The following GLG1 variants were observed in gnomAD, a reference collection of about 807,000 sequenced individuals.
GLG1 encodes Golgi apparatus protein 1.
In GLG1, 38 loss-of-function variants were observed where a neutral mutation model predicts 160.5. The observed-to-expected ratio is 0.24, with a 90% confidence interval of 0.18 to 0.31. GLG1 has a LOEUF of 0.31. Among genes scored for constraint, GLG1 ranks in the 10% least tolerant of loss-of-function variants. The pLI, the probability that GLG1 is intolerant of heterozygous loss-of-function variation, is 1.00. For missense variants in GLG1, 1,373 were observed against 1,505.2 expected, an observed-to-expected ratio of 0.91 and a Z score of 1.45; for synonymous variants, 644 against 543.4, an observed-to-expected ratio of 1.19 and a Z score of -2.57.
At chr16:74,475,265 A>T (rs531302860) in intron 12 of GLG1, among the ~76,000 whole-genome samples, 17 of 152,088 alleles carry the variant, frequency 1.1e-4, no homozygotes, top group African/African-American at 4.1e-4. Context: ...TAAAAACCTT[A>T]TCAGGCCTTG....
At chr16:74,601,732 C>T (rs556665818) in intron 1 of GLG1, among the ~76,000 whole-genome samples, 1 of 152,284 alleles carries the variant, frequency 6.6e-6, no homozygotes, top group Admixed American at 6.5e-5. Context: ...GAGAAATCTA[C>T]AAATACTTCA....
rs1480421324 is a variant in GLG1, at chr16:74,500,808, T to C, written c.774+2723A>G. On this transcript the variant is annotated intron_variant, in intron 4 of 25. Transcript: ENST00000422840. ...AGATGATGTAAATCATTTATATCTT[T>C]ACTTTTGGAAATCTGCCCTTTCATT... Among the ~76,000 whole-genome samples, 10 of 152,350 alleles carry C rather than the reference T, an allele frequency of 6.6e-5. No homozygotes were observed. In the East Asian group the frequency reaches 9.6e-4, roughly 15 times the overall value.
At position 74,535,111 on chromosome 16, in the gene GLG1, G is replaced by C. The variant is rs528557811; in HGVS notation, c.439-2958C>G. ...CTGTAGCCTGAAGCAAAGCCATCTCGAATAACCCATGGGAAAGAAAAACAA... is the reference window on the plus strand; with the variant it reads ...CTGTAGCCTGAAGCAAAGCCATCTCCAATAACCCATGGGAAAGAAAAACAA... On this transcript the variant is annotated intron_variant, in intron 1 of 25. Coordinates refer to ENST00000422840, the MANE Select transcript of GLG1 (RefSeq NM_001145667.2). Among the ~76,000 whole-genome samples, 4 of 152,122 alleles carry C rather than the reference G, an allele frequency of 2.6e-5. No homozygotes were observed. The South Asian group carries it at 8.3e-4, about 32-fold the overall frequency.
At chr16:74,603,572 G>A (rs542036663) in intron 1 of GLG1, among the ~76,000 whole-genome samples, 11 of 151,958 alleles carry the variant, frequency 7.2e-5, no homozygotes, top group African/African-American at 1.7e-4. Context: ...CACTGCGCCC[G>A]GCTGAACACC....
chr16:74,541,603 G>C (rs576177634), intron 1 of GLG1, among the ~76,000 whole-genome samples: 10 of 152,284 alleles, frequency 6.6e-5, no homozygotes, highest in African/African-American at 2.2e-4. Flanking sequence ...CAGGAGAAAA[G>C]TTATGTAGAA....
intron 20 of GLG1, chr16:74,462,980 T>A: frequency 2.4e-6 from 1 of 419,652 alleles, no homozygotes; most frequent in Non-Finnish European, 4.3e-6. Flanking sequence ...CAACTCACTG[T>A]GACCATTAAC....
chr16:74,550,364 T>C (rs2018165336), intron 1 of GLG1, among the ~76,000 whole-genome samples: 1 of 152,020 alleles, frequency 6.6e-6, no homozygotes, highest in Non-Finnish European at 1.5e-5. Flanking sequence ...GGAATCCTAA[T>C]ATATCCTGGT....
chr16:74,471,744 C>A (rs1320859050), intron 14 of GLG1, among the ~76,000 whole-genome samples: 1 of 152,164 alleles, frequency 6.6e-6, no homozygotes, highest in Non-Finnish European at 1.5e-5. Flanking sequence ...AATTCCTAGG[C>A]TGATGTACTG....
chr16:74,496,909 TTAAGTA>T (rs1469806211), intron 4 of GLG1, among the ~76,000 whole-genome samples: 53 of 152,280 alleles, frequency 3.5e-4, no homozygotes, highest in African/African-American at 1.3e-3. Flanking sequence ...CCTGGAAAGT[TTAAGTA>T]TTATAGTTTA....
chr16:74,470,347 T>G (rs1283509839), intron 15 of GLG1, among the ~76,000 whole-genome samples: 1 of 143,968 alleles, frequency 6.9e-6, no homozygotes, highest in African/African-American at 2.6e-5. Flanking sequence ...CCTTCCCTCC[T>G]TCCTTCCTTC....
intron 25 of GLG1, among the ~76,000 whole-genome samples, chr16:74,454,666 CAAAAAAAAAAAAAAAAAAA>C (rs58759187): frequency 3.1e-4 from 12 of 38,494 alleles, no homozygotes; most frequent in African/African-American, 9.5e-4. Flanking sequence ...AATCCGTCCC[CAAAAAAAAAAAAAAAAAAA>C]AAAAAAAAAA....
chr16:74,513,908 A>G (rs368859155), intron 2 of GLG1, among the ~76,000 whole-genome samples: 64 of 152,302 alleles, frequency 4.2e-4, no homozygotes, highest in African/African-American at 1.5e-3. Context: ...GGTTAGACAA[A>G]TGGCTAACTA....
chr16:74,535,302 T>C (rs1356242395), intron 1 of GLG1, among the ~76,000 whole-genome samples: 1 of 152,284 alleles, frequency 6.6e-6, no homozygotes, highest in African/African-American at 2.4e-5. Context: ...AGAGCACTAC[T>C]GTACCTTTCA....
rs763296903 is a variant in GLG1 at position 74,449,647 on chromosome 16, T to G, written c.*3520A>C. On this transcript the variant is annotated 3_prime_UTR_variant, in exon 26 of 26. Coordinates refer to ENST00000422840, the MANE Select transcript of GLG1 (RefSeq NM_001145667.2). The stretch of plus-strand genomic sequence containing the variant: ...GTTCCCAAGAAGAGTAAGGACAGCA[T>G]GAGACAGCCAAAGGCCTGCAGTGTG... 2 of 152,152 alleles carry G rather than the reference T, an allele frequency of 1.3e-5. No homozygotes were observed. The highest frequency in any genetic ancestry group is 4.8e-5 in the African/African-American group (2 of 41,428). 9.4% of individuals were successfully genotyped at this position (152,152 alleles called of 1,614,324 possible).
intron 2 of GLG1, among the ~76,000 whole-genome samples, chr16:74,523,265 C>T (rs370444500): frequency 3.9e-5 from 6 of 152,260 alleles, no homozygotes; most frequent in African/African-American, 1.4e-4. Context: ...AATGGATTTT[C>T]CATGAATGGC....
In GLG1 at chr16:74,493,087, G is replaced by C. The variant is rs961490119; in HGVS notation, c.1104C>G (p.Val368=). Residue 368 remains valine (V), a synonymous_variant, in exon 7 of 26, where the codon GTC becomes GTG. Transcript: ENST00000422840. ...TACAGGATTTGGCCAATGAATAACTGACTTTATAATCCTGGGCAATCAGCT... is the reference window on the plus strand; with the variant it reads ...TACAGGATTTGGCCAATGAATAACTCACTTTATAATCCTGGGCAATCAGCT... ...RQKLIAQDYK[V]SYSLAKSCKS... 1 of 1,613,732 alleles carries C rather than the reference G, an allele frequency of 6.2e-7. No homozygotes were observed. The highest frequency in any genetic ancestry group is 8.5e-7 in the Non-Finnish European group (1 of 1,179,692).
At chr16:74,506,329 G>A (rs968398257) in intron 3 of GLG1, among the ~76,000 whole-genome samples, 17 of 151,248 alleles carry the variant, frequency 1.1e-4, no homozygotes, top group African/African-American at 4.1e-4. Context: ...CTGTAATCCC[G>A]GCACTTTGGG....
At chr16:74,578,824 T>A in intron 1 of GLG1, among the ~76,000 whole-genome samples, 1 of 152,212 alleles carries the variant, frequency 6.6e-6, no homozygotes, top group Non-Finnish European at 1.5e-5. Context: ...AGTCATTCTG[T>A]GAAAACAAGA....
At chr16:74,599,402 A>C (rs544086985) in intron 1 of GLG1, among the ~76,000 whole-genome samples, 1 of 152,276 alleles carries the variant, frequency 6.6e-6, no homozygotes, top group East Asian at 1.9e-4. Flanking sequence ...ATCACAAAGC[A>C]CCGGAGCTGG....
Sources: allele counts gnomAD v4.1 joint callset (sites outside exome capture counted in the v4.1 genomes callset), GRCh38; gene constraint gnomAD v4.1.1; transcripts MANE v1.5; gene names NCBI Gene and HGNC (gene_info 2026-07-23, HGNC 2026-07-21).